Variants in SMYD4 observed in about 807,000 individuals in gnomAD.
SMYD4 encodes SET and MYND domain containing 4.
A neutral mutation model predicts 72.8 loss-of-function variants in SMYD4; 68 were observed. That is an observed-to-expected ratio of 0.93 (90% confidence interval 0.77 to 1.14). The LOEUF (loss-of-function observed/expected upper bound fraction) is 1.14. SMYD4 is among the 50% of genes most tolerant of loss of function. The probability of loss-of-function intolerance (pLI) is 0.00; values close to 1 mark genes in which losing one functional copy is unlikely to be tolerated. For synonymous variants in SMYD4, 407 were observed against 388.6 expected, an observed-to-expected ratio of 1.05 and a Z score of -0.56; for missense variants, 984 against 1,003.7, an observed-to-expected ratio of 0.98 and a Z score of 0.27.
At chr17:1,822,401 G>A (rs1910944451) in intron 2 of SMYD4, among the ~76,000 whole-genome samples, 1 of 152,104 alleles carries the variant, frequency 6.6e-6, no homozygotes, top group Non-Finnish European at 1.5e-5. Context: ...ATATTATTCT[G>A]ATAAAAAATT....
Position 1,800,373 on chromosome 17 carries a change from G to A in SMYD4, c.1021C>T (p.Leu341Phe), listed in dbSNP as rs959650510. Residue 341 changes from leucine to phenylalanine, a missense_variant, in exon 5 of 11, where the codon CTT becomes TTT. Leu to Phe is a conservative substitution (Grantham distance 22). Coordinates refer to ENST00000305513, the MANE Select transcript of SMYD4 (RefSeq NM_052928.3). ...TGGCAAAAGACACCCAGTGTGAGAA[G>A]CAGCCCTCCCAGAGGACATTCTGTC... ...HRTECPLGGL[L>F]LTLGVFCHIA... 1.1e-5 allele frequency: 18 copies of A among 1,614,082 alleles called. No homozygotes were observed. Among genetic ancestry groups the A allele is most frequent in the Admixed American group, 1.7e-5 (1 of 59,996 alleles).
intron 4 of SMYD4, among the ~76,000 whole-genome samples, chr17:1,802,064 A>G (rs1452842672): frequency 6.6e-6 from 1 of 152,178 alleles, no homozygotes; most frequent in Non-Finnish European, 1.5e-5. Flanking sequence ...TCTGTGTCTT[A>G]ATTTTATCTA....
At chr17:1,816,934 T>C (rs1198182550) in intron 2 of SMYD4, among the ~76,000 whole-genome samples, 1 of 152,004 alleles carries the variant, frequency 6.6e-6, no homozygotes, top group Non-Finnish European at 1.5e-5. Context: ...GTTGTAGGAG[T>C]TCTTTATATA....
intron 3 of SMYD4, among the ~76,000 whole-genome samples, chr17:1,807,747 G>A (rs748339964): frequency 3.3e-5 from 5 of 152,220 alleles, no homozygotes; most frequent in East Asian, 1.9e-4. Flanking sequence ...AACAATATGC[G>A]CAGAATGTTA....
chr17:1,822,822 T>C (rs1910962113), intron 2 of SMYD4, among the ~76,000 whole-genome samples: 2 of 152,106 alleles, frequency 1.3e-5, no homozygotes, highest in African/African-American at 4.8e-5. Flanking sequence ...TTAGAGAATG[T>C]AATTGGGGGG....
intron 3 of SMYD4, among the ~76,000 whole-genome samples, chr17:1,807,207 T>A (rs1910081125): frequency 6.6e-6 from 1 of 151,694 alleles, no homozygotes; most frequent in African/African-American, 2.4e-5. Context: ...AAGTTTCTCA[T>A]CATAGACTTG....
chr17:1,801,072 C>A, intron 4 of SMYD4, 48 bp from the exon 5 acceptor site: 1 of 1,499,582 alleles, frequency 6.7e-7, no homozygotes, highest in South Asian at 1.3e-5. Flanking sequence ...CCCTATTCTT[C>A]AATGTTTACT....
chr17:1,783,487 A>G lies in SMYD4; in HGVS notation c.2021-11T>C. On this transcript the variant is annotated splice_polypyrimidine_tract_variant and intron_variant, in intron 8 of 10. Transcript: ENST00000305513. ...GCTGAACAGCTCGCTCTGTCAATGC[A>G]GAGGAAAGACGTCTCACTATAGACA... 7 of 1,596,446 alleles carry G rather than the reference A, an allele frequency of 4.4e-6. No individual in the cohort carries two copies. The highest frequency in any genetic ancestry group is 6.0e-6 in the Non-Finnish European group (7 of 1,171,606).
At chr17:1,781,672 A>C in intron 10 of SMYD4, 1 of 309,510 alleles carries the variant, frequency 3.2e-6, no homozygotes, top group Non-Finnish European at 5.8e-6. Flanking sequence ...GCAAATCTCA[A>C]AGCTTTTTTT....
chr17:1,799,292 C>A (rs1909578925), intron 5 of SMYD4, among the ~76,000 whole-genome samples: 1 of 151,844 alleles, frequency 6.6e-6, no homozygotes. Flanking sequence ...ACAAACATAG[C>A]TTTACACAAC....
chr17:1,819,979 G>C (rs956968534), intron 2 of SMYD4, among the ~76,000 whole-genome samples: 7 of 151,980 alleles, frequency 4.6e-5, no homozygotes, highest in Non-Finnish European at 1.0e-4. Flanking sequence ...GTAGAGATGG[G>C]GTTTTGCCAT....
At chr17:1,792,486 A>T (rs4995138) in intron 5 of SMYD4, among the ~76,000 whole-genome samples, 46,938 of 151,988 alleles carry the variant, frequency 0.31, 7,609 homozygotes, top group African/African-American at 0.39. Flanking sequence ...TCTCTACTAA[A>T]CATACAAAAG....
chr17:1,783,320 A>G, intron 9 of SMYD4, 40 bp downstream of exon 9: 3 of 1,611,194 alleles, frequency 1.9e-6, no homozygotes, highest in Non-Finnish European at 2.5e-6. Flanking sequence ...TGCCCACAGC[A>G]GACTGTTCCC....
intron 3 of SMYD4, among the ~76,000 whole-genome samples, chr17:1,805,274 A>C (rs956314786): frequency 1.3e-5 from 2 of 151,650 alleles, no homozygotes; most frequent in Non-Finnish European, 2.9e-5. Context: ...AAAAAATAGC[A>C]GGGCATGGTA....
chr17:1,784,390 A>G lies in SMYD4; in HGVS notation c.1956T>C (p.Ser652=). Residue 652 remains serine (S), a synonymous_variant, in exon 8 of 11, where the codon TCT becomes TCC. Transcript: ENST00000305513. ...ESAVSRDHLV[S]RLQDLQQQVR... Reference sequence around the variant, plus strand: ...CCTGCTGCTGTAGGTCCTGTAACCGAGAGACCAGGTGGTCCCTGCTGACGG... The same window carrying G: ...CCTGCTGCTGTAGGTCCTGTAACCGGGAGACCAGGTGGTCCCTGCTGACGG... The G allele has an allele frequency of 1.2e-6, 2 of 1,614,200 alleles. No homozygotes were observed. Among genetic ancestry groups the G allele is most frequent in the Non-Finnish European group, 8.5e-7 (1 of 1,180,002 alleles).
rs575533302 is a variant in SMYD4, at chr17:1,801,263, G to C, written c.370-239C>G. 5.9e-4 allele frequency among the ~76,000 whole-genome samples: 90 copies of C among 151,874 alleles called. 1 individual carries two copies. Among genetic ancestry groups the C allele is most frequent in the South Asian group, 5.6e-3 (27 of 4,816 alleles). On this transcript the variant is annotated intron_variant, in intron 4 of 10. Coordinates refer to ENST00000305513, the MANE Select transcript of SMYD4 (RefSeq NM_052928.3). ...AAATTTTTTCTTTTTTTTTGAGACG[G>C]AGTCTCGCTCTGTCGCCCAGGCTGG...
Position 1,829,871 on chromosome 17 carries a change from T to G in SMYD4, c.-158A>C, listed in dbSNP as rs1017672833. The G allele has an allele frequency of 2.7e-6, 1 of 371,768 alleles. No homozygotes were observed. The highest frequency in any genetic ancestry group is 1.4e-4 in the South Asian group (1 of 7,254). The allele number at this position is 371,768 out of a possible 1,614,324, so 23.0% of individuals were successfully genotyped here. A position where few individuals can be genotyped will look rare whatever the true frequency, so the allele number is the denominator to read the frequency against. ...GCTCCGCCCCGCACCGCGTCCGGCG[T>G]CCCGCGCCAGGCCTCGCTTGGGACC... On this transcript the variant is annotated 5_prime_UTR_variant, in exon 1 of 11. Coordinates refer to ENST00000305513, the MANE Select transcript of SMYD4 (RefSeq NM_052928.3).
intron 5 of SMYD4, among the ~76,000 whole-genome samples, chr17:1,795,231 T>A (rs1226822843): frequency 1.3e-5 from 2 of 151,878 alleles, no homozygotes; most frequent in Non-Finnish European, 2.9e-5. Context: ...GGTCTCGAAC[T>A]CCAGGGCTCA....
intron 2 of SMYD4, among the ~76,000 whole-genome samples, chr17:1,826,491 C>CAAAAAAAAAAAAAAAAAAAA (rs111636314): frequency 6.4e-4 from 66 of 103,052 alleles, no homozygotes; most frequent in East Asian, 1.2e-3. Flanking sequence ...AAACTCTGTC[C>CAAAAAAAAAAAAAAAAAAAA]AAAAAAAAAA....
Sources: gnomAD v4.1 joint callset for allele counts (sites outside exome capture counted in the v4.1 genomes callset) on GRCh38, gnomAD v4.1.1 for gene constraint, MANE v1.5 for transcripts, NCBI Gene and HGNC (gene_info 2026-07-23, HGNC 2026-07-21) for gene names.